TFAP2D: variants seen among roughly 807,000 people sequenced by gnomAD.
The protein encoded by TFAP2D is transcription factor AP-2 delta, also known as transcription factor AP-2-delta.
Under a neutral mutation model 43.6 loss-of-function variants are expected in TFAP2D, and 9 were observed. The observed-to-expected ratio is 0.21, with a 90% CI of 0.12 to 0.36. TFAP2D has a LOEUF of 0.36. Among genes scored for constraint, TFAP2D ranks in the 10% least tolerant of loss-of-function variants. TFAP2D has a pLI of 1.00. For missense variants in TFAP2D, 513 were observed against 561.4 expected (o/e 0.91, Z 0.87); for synonymous variants, 256 against 224.9 (o/e 1.14, Z -1.24).
In TFAP2D at chr6:50,715,232, C is replaced by T. The variant is rs976574109; in HGVS notation, c.156C>T (p.Gly52=). The change falls in exon 2 of 8, where the codon GGC becomes GGT. Residue 52 remains glycine, a synonymous_variant. Coordinates refer to ENST00000008391, the MANE Select transcript of TFAP2D (RefSeq NM_172238.4). ...CTCCTTTAACTTACTCCACCACCGG[C>T]ACCGAGTTTGCGTCCCCCTACTTCT... ...SSSPLTYSTT[G]TEFASPYFST... is the part of the protein sequence containing the mutation. 6 of 1,614,066 alleles carry T rather than the reference C, an allele frequency of 3.7e-6. No individual in the cohort carries two copies. The highest frequency in any genetic ancestry group is 5.1e-6 in the Non-Finnish European group (6 of 1,180,014).
At chr6:50,716,292 C>T (rs1014333897) in intron 2 of TFAP2D, among the ~76,000 whole-genome samples, 3 of 152,144 alleles carry the variant, frequency 2.0e-5, no homozygotes, top group African/African-American at 7.2e-5. Context: ...TAATTCTCTC[C>T]GCCTGACGTG....
intron 5 of TFAP2D, 145 bp from the exon 6 acceptor site, chr6:50,744,962 A>G (rs1044355993): frequency 8.2e-6 from 8 of 971,382 alleles, no homozygotes; most frequent in South Asian, 4.0e-5. Context: ...CCTCCCCCCA[A>G]AAAGGTCTTT....
chr6:50,751,009 A>G (rs1769193419), intron 6 of TFAP2D, among the ~76,000 whole-genome samples: 1 of 151,994 alleles, frequency 6.6e-6, no homozygotes, highest in Admixed American at 6.6e-5. Context: ...GAAATGTTGT[A>G]TGATTATCCT....
intron 3 of TFAP2D, among the ~76,000 whole-genome samples, chr6:50,724,442 C>T (rs1268586982): frequency 6.6e-6 from 1 of 152,204 alleles, no homozygotes; most frequent in Non-Finnish European, 1.5e-5. Context: ...AACACCGACG[C>T]TACGACGAGT....
intron 6 of TFAP2D, 74 bp downstream of exon 6, chr6:50,745,322 A>G: frequency 3.1e-6 from 5 of 1,591,800 alleles, no homozygotes; most frequent in Non-Finnish European, 4.3e-6. Context: ...AAATGAGGAA[A>G]ACAGTCTAGA....
intron 3 of TFAP2D, among the ~76,000 whole-genome samples, chr6:50,727,341 C>G (rs1332819437): frequency 6.6e-6 from 1 of 152,144 alleles, no homozygotes; most frequent in African/African-American, 2.4e-5. Flanking sequence ...TTTAAATGTC[C>G]TCCCAGGTTC....
At chr6:50,752,154 T>G (rs185109625) in intron 7 of TFAP2D, among the ~76,000 whole-genome samples, 1 of 151,944 alleles carries the variant, frequency 6.6e-6, no homozygotes, top group East Asian at 1.9e-4. Flanking sequence ...AAATGTATTA[T>G]TGGAGTCATA....
chr6:50,722,360 TC>T (rs1768740427), intron 3 of TFAP2D, among the ~76,000 whole-genome samples: 1 of 152,200 alleles, frequency 6.6e-6, no homozygotes, highest in Non-Finnish European at 1.5e-5. Context: ...TCTGCAGAGA[TC>T]ATATTAATGT....
Position 50,753,027 on chromosome 6 carries a change from G to A in TFAP2D, c.1139+1703G>A, listed in dbSNP as rs1045039468. ...TGACGTATCATTTACCTTCACCACC[G>A]ATCCAAGTTTAAATTTGTCTCCAGC... On this transcript the variant is annotated intron_variant, in intron 7 of 7. Coordinates refer to ENST00000008391, the MANE Select transcript of TFAP2D (RefSeq NM_172238.4). Among the ~76,000 whole-genome samples, 4 of 151,836 alleles carry A rather than the reference G, an allele frequency of 2.6e-5. No individual in the cohort carries two copies. In the South Asian group the frequency reaches 6.2e-4, roughly 24 times the overall value.
chr6:50,744,802 C>T (rs763139499), intron 5 of TFAP2D, among the ~76,000 whole-genome samples: 10 of 152,060 alleles, frequency 6.6e-5, no homozygotes, highest in Non-Finnish European at 1.0e-4. Context: ...CCTAGGAAGT[C>T]AGTCTGGTCT....
chr6:50,735,780 C>T (rs1201649868), intron 5 of TFAP2D, among the ~76,000 whole-genome samples: 4 of 152,022 alleles, frequency 2.6e-5, no homozygotes, highest in Non-Finnish European at 4.4e-5. Flanking sequence ...GGAAAACAAC[C>T]GATTTGTCAA....
chr6:50,745,260 G>A lies in TFAP2D; in HGVS notation c.1025+12G>A, dbSNP rs781402175. The A allele has an allele frequency of 3.1e-6, 5 of 1,613,060 alleles. No homozygotes were observed. The highest frequency in any genetic ancestry group is 1.7e-5 in the Admixed American group (1 of 59,808). ...ATCCTGGCGACCAAGTAAGCAGAAT[G>A]GGGAAACCTCTGTGTGCTTTCATCT... On this transcript the variant is annotated intron_variant, in intron 6 of 7. Coordinates refer to ENST00000008391, the MANE Select transcript of TFAP2D (RefSeq NM_172238.4).
chr6:50,736,171 G>C (rs768178375), intron 5 of TFAP2D, among the ~76,000 whole-genome samples: 3 of 152,076 alleles, frequency 2.0e-5, no homozygotes, highest in Non-Finnish European at 4.4e-5. Context: ...TTGGGAGAAA[G>C]GTTTTCAGCT....
chr6:50,719,540 A>G (rs1768686647), intron 3 of TFAP2D, among the ~76,000 whole-genome samples: 1 of 152,042 alleles, frequency 6.6e-6, no homozygotes, highest in Non-Finnish European at 1.5e-5. Flanking sequence ...CTAATACCAC[A>G]TCCTCCAGCA....
chr6:50,755,429 T>TAA (rs35437406), intron 7 of TFAP2D, among the ~76,000 whole-genome samples: 9,124 of 141,366 alleles, frequency 0.065, 305 homozygotes, highest in East Asian at 0.1. Flanking sequence ...CTTGAAACTG[T>TAA]AAAAAAAAAA....
intron 5 of TFAP2D, among the ~76,000 whole-genome samples, chr6:50,744,765 C>T (rs1769100622): frequency 6.6e-6 from 1 of 152,096 alleles, no homozygotes; most frequent in South Asian, 2.1e-4. Flanking sequence ...TCCATGGGGC[C>T]ATTTTGCTTG....
chr6:50,723,395 C>G (rs769613414), intron 3 of TFAP2D, among the ~76,000 whole-genome samples: 1 of 152,208 alleles, frequency 6.6e-6, no homozygotes, highest in Non-Finnish European at 1.5e-5. Flanking sequence ...TGGATTCTTT[C>G]AGCAGCTCCT....
intron 7 of TFAP2D, among the ~76,000 whole-genome samples, chr6:50,753,922 C>T (rs945947591): frequency 6.6e-6 from 1 of 151,774 alleles, no homozygotes; most frequent in East Asian, 1.9e-4. Context: ...TGATACAAAT[C>T]GCATAACCAA....
intron 5 of TFAP2D, 88 bp downstream of exon 5, chr6:50,729,400 G>T: frequency 8.9e-7 from 1 of 1,117,684 alleles, no homozygotes; most frequent in Non-Finnish European, 1.3e-6. Context: ...TTTTATTTTT[G>T]TCTGTACCAT....
Sources: allele counts gnomAD v4.1 joint callset (sites outside exome capture counted in the v4.1 genomes callset), GRCh38; gene constraint gnomAD v4.1.1; transcripts MANE v1.5; gene names NCBI Gene and HGNC (gene_info 2026-07-23, HGNC 2026-07-21).